Variants in NARS2 observed in about 807,000 individuals in gnomAD.
NARS2 encodes asparaginyl-tRNA synthetase 2, mitochondrial, also known as asparaginyl-tRNA synthetase.
NARS2 carries 60 observed loss-of-function variants against 62.9 expected under a neutral mutation model. The observed-to-expected ratio is 0.95, with a 90% CI of 0.77 to 1.18. The LOEUF is 1.18. NARS2 is among the 50% of genes most tolerant of loss of function. The pLI is 0.00. For synonymous variants in NARS2, 196 were observed against 200.0 expected (o/e 0.98, Z 0.17); for missense variants, 619 against 576.4 (o/e 1.07, Z -0.76).
chr11:78,547,693 T>C (rs1015307981), intron 5 of NARS2, among the ~76,000 whole-genome samples: 3 of 152,098 alleles, frequency 2.0e-5, no homozygotes, highest in Non-Finnish European at 4.4e-5. Context: ...ATTAGCTGGG[T>C]GTGGTAGCTA....
At position 78,436,566 on chromosome 11, in the gene NARS2, A is replaced by G. The variant is rs1263048024; in HGVS notation, c.*104T>C. The G allele has an allele frequency of 1.7e-5, 21 of 1,262,654 alleles. No homozygotes were observed. In the Admixed American group the frequency reaches 4.8e-4, roughly 29 times the overall value. 78.2% of individuals were successfully genotyped at this position (1,262,654 alleles called of 1,614,324 possible). ...ATATCTTATGGCACAACAATTACAT[A>G]TTGAAATCTGCATTTCTAAAATCCA... On this transcript the variant is annotated 3_prime_UTR_variant, in exon 14 of 14. Coordinates refer to ENST00000281038, the MANE Select transcript of NARS2 (RefSeq NM_024678.6).
intron 5 of NARS2, among the ~76,000 whole-genome samples, chr11:78,554,500 C>CGT (rs569858075): frequency 0.15 from 6,338 of 42,536 alleles, 414 homozygotes; most frequent in African/African-American, 0.29. Context: ...TATTCCTAGG[C>CGT]GTGTGTGCGT....
At chr11:78,555,745 T>C (rs1856328183) in intron 5 of NARS2, among the ~76,000 whole-genome samples, 2 of 152,156 alleles carry the variant, frequency 1.3e-5, no homozygotes, top group Admixed American at 1.3e-4. Flanking sequence ...CTGTTCTTGC[T>C]TCTCTAATTA....
chr11:78,493,793 G>A (rs1859934960), intron 6 of NARS2, among the ~76,000 whole-genome samples: 1 of 152,006 alleles, frequency 6.6e-6, no homozygotes, highest in Non-Finnish European at 1.5e-5. Flanking sequence ...CCACTTCTGG[G>A]TGCACTCTAC....
At chr11:78,522,883 C>T (rs1861179777) in intron 6 of NARS2, among the ~76,000 whole-genome samples, 1 of 152,060 alleles carries the variant, frequency 6.6e-6, no homozygotes, top group South Asian at 2.1e-4. Flanking sequence ...TCATGCATGG[C>T]AGTATTCAGC....
chr11:78,510,878 T>C (rs2135386672), intron 6 of NARS2, among the ~76,000 whole-genome samples: 1 of 152,326 alleles, frequency 6.6e-6, no homozygotes, highest in East Asian at 1.9e-4. Flanking sequence ...AAAAGCATTA[T>C]GCTGAGTGAA....
At chr11:78,441,139 T>C (rs1387340062) in intron 12 of NARS2, 22 bp from the exon 13 acceptor site, 2 of 1,605,000 alleles carry the variant, frequency 1.2e-6, no homozygotes, top group East Asian at 4.5e-5. Context: ...AAAATAAAAT[T>C]CTTTCAGGGA....
At chr11:78,562,545 A>G (rs1229531730) in intron 4 of NARS2, among the ~76,000 whole-genome samples, 3 of 152,228 alleles carry the variant, frequency 2.0e-5, no homozygotes, top group African/African-American at 7.2e-5. Flanking sequence ...ACTGAGAAAG[A>G]AAGAGCAGAA....
At position 78,466,078 on chromosome 11, in the gene NARS2, G is replaced by A. The variant is rs2135214047; in HGVS notation, c.1027-65C>T. 4.0e-6 allele frequency: 6 copies of A among 1,483,686 alleles called. No individual in the cohort carries two copies. In the East Asian group the frequency reaches 1.2e-4, roughly 29 times the overall value. 91.9% of individuals were successfully genotyped at this position (1,483,686 alleles called of 1,614,324 possible). ...AGGTGAAATATACAATTAAGCAGCT[G>A]AAAATAACCTGCATCAATTCTAAGG... On this transcript the variant is annotated intron_variant, in intron 10 of 13. Coordinates refer to ENST00000281038, the MANE Select transcript of NARS2 (RefSeq NM_024678.6).
chr11:78,478,363 AT>A, intron 9 of NARS2, 74 bp downstream of exon 9: 1 of 615,142 alleles, frequency 1.6e-6, no homozygotes, highest in East Asian at 3.9e-5. Context: ...GCAGATATAA[AT>A]TTAAAAAATT....
chr11:78,501,186 A>G (rs561189191), intron 6 of NARS2, among the ~76,000 whole-genome samples: 1 of 152,362 alleles, frequency 6.6e-6, no homozygotes, highest in Non-Finnish European at 1.5e-5. Flanking sequence ...TTTTCCCAAA[A>G]CAAAAAAATT....
chr11:78,493,262 A>G, intron 6 of NARS2, 67 bp from the exon 7 acceptor site: 5 of 1,471,886 alleles, frequency 3.4e-6, no homozygotes, highest in Non-Finnish European at 4.7e-6. Flanking sequence ...TTAAATATTC[A>G]GTGAGCTCTT....
At chr11:78,447,426 T>C (rs924711468) in intron 11 of NARS2, among the ~76,000 whole-genome samples, 2 of 152,284 alleles carry the variant, frequency 1.3e-5, no homozygotes, top group South Asian at 4.1e-4. Flanking sequence ...ACCGTCATTA[T>C]GAGAAATGGT....
chr11:78,506,721 A>C (rs1398751837), intron 6 of NARS2, among the ~76,000 whole-genome samples: 1 of 152,180 alleles, frequency 6.6e-6, no homozygotes, highest in Non-Finnish European at 1.5e-5. Context: ...TATTTAGTAC[A>C]GACAAGGTTT....
At chr11:78,455,282 A>G (rs1315128313) in intron 11 of NARS2, among the ~76,000 whole-genome samples, 4 of 152,188 alleles carry the variant, frequency 2.6e-5, no homozygotes, top group African/African-American at 9.7e-5. Flanking sequence ...CATTATTTTT[A>G]TAGCATAGAA....
rs1232873622 is a variant in NARS2 at position 78,486,797 on chromosome 11, C to T, written c.822+6266G>A. Among the ~76,000 whole-genome samples, 3 of 152,026 alleles carry T rather than the reference C, an allele frequency of 2.0e-5. No homozygotes were observed. In the East Asian group the frequency reaches 5.8e-4, roughly 29 times the overall value. On this transcript the variant is annotated intron_variant, in intron 7 of 13. Coordinates refer to ENST00000281038, the MANE Select transcript of NARS2 (RefSeq NM_024678.6). ...AACAGACACATACACATAGAAGACTCAAATACTGGAATTATCTGACAATTT... is the reference window on the plus strand; with the variant it reads ...AACAGACACATACACATAGAAGACTTAAATACTGGAATTATCTGACAATTT...
At chr11:78,439,530 T>C (rs1857511491) in intron 13 of NARS2, among the ~76,000 whole-genome samples, 1 of 152,196 alleles carries the variant, frequency 6.6e-6, no homozygotes, top group African/African-American at 2.4e-5. Context: ...TTAACCTGTA[T>C]TGTTTCATTT....
At chr11:78,557,800 T>C (rs1357175329) in intron 5 of NARS2, among the ~76,000 whole-genome samples, 1 of 148,190 alleles carries the variant, frequency 6.7e-6, no homozygotes, top group African/African-American at 2.5e-5. Flanking sequence ...TATGTATATA[T>C]ATCATATATA....
chr11:78,554,508 C>CGCGTGTGTGTGTGTGTGTGTGTGT (rs1555041422), intron 5 of NARS2, among the ~76,000 whole-genome samples: 4 of 146,914 alleles, frequency 2.7e-5, no homozygotes, highest in Non-Finnish European at 4.5e-5. Flanking sequence ...GGCGTGTGTG[C>CGCGTGTGTGTGTGTGTGTGTGTGT]GTGTGTGTGT....
Sources: gnomAD v4.1 joint callset for allele counts (sites outside exome capture counted in the v4.1 genomes callset) on GRCh38, gnomAD v4.1.1 for gene constraint, MANE v1.5 for transcripts, NCBI Gene and HGNC (gene_info 2026-07-23, HGNC 2026-07-21) for gene names.